The following SHTN1 variants were observed in gnomAD, a reference collection of about 807,000 sequenced individuals.
SHTN1 encodes shootin 1.
Under a neutral mutation model 83.1 loss-of-function variants are expected in SHTN1, and 42 were observed. The observed-to-expected ratio is 0.51, with a 90% confidence interval of 0.39 to 0.65. The LOEUF is 0.65. SHTN1 is among the 30% of genes least tolerant of loss of function. The pLI, the probability that SHTN1 is intolerant of heterozygous loss-of-function variation, is 0.00. For synonymous variants in SHTN1, 224 were observed against 247.7 expected (o/e 0.90, Z 0.90); for missense variants, 622 against 737.8 (o/e 0.84, Z 1.82).
At chr10:117,040,778 G>T (rs943554218) in intron 2 of SHTN1, among the ~76,000 whole-genome samples, 6 of 152,100 alleles carry the variant, frequency 3.9e-5, no homozygotes, top group Non-Finnish European at 2.9e-5. Context: ...AATCTAAGTT[G>T]TAACAATGTT....
At chr10:117,042,792 T>C (rs1852605374) in intron 2 of SHTN1, among the ~76,000 whole-genome samples, 1 of 152,020 alleles carries the variant, frequency 6.6e-6, no homozygotes, top group Non-Finnish European at 1.5e-5. Flanking sequence ...ATTTTTGTAT[T>C]TTTAGTAGAG....
chr10:117,030,343 C>A (rs1852395492), intron 2 of SHTN1, among the ~76,000 whole-genome samples: 1 of 152,112 alleles, frequency 6.6e-6, no homozygotes, highest in African/African-American at 2.4e-5. Context: ...TCACAACACC[C>A]AAGTCCTTTT....
At chr10:116,900,627 G>A in intron 16 of SHTN1, 1 of 1,523,064 alleles carries the variant, frequency 6.6e-7, no homozygotes, top group African/African-American at 1.4e-5. Flanking sequence ...AATTGCTTTT[G>A]TGTCTGGATA....
chr10:117,041,514 A>G (rs7092957), intron 2 of SHTN1, among the ~76,000 whole-genome samples: 27,074 of 152,048 alleles, frequency 0.18, 2,522 homozygotes, highest in East Asian at 0.32. Context: ...CTGCATTTCA[A>G]TTTTTTCAGT....
At chr10:116,984,481 A>T (rs553734278) in intron 1 of SHTN1, among the ~76,000 whole-genome samples, 3 of 152,108 alleles carry the variant, frequency 2.0e-5, no homozygotes. Context: ...AAGTGAGCTC[A>T]TCAATTTCCC....
intron 8 of SHTN1, among the ~76,000 whole-genome samples, chr10:116,943,244 A>G (rs1185305599): frequency 6.6e-6 from 1 of 152,168 alleles, no homozygotes; most frequent in Admixed American, 6.5e-5. Context: ...TCAATCATTC[A>G]TTTTTGTCTT....
At chr10:117,092,948 G>T (rs1475328467) in intron 1 of SHTN1, among the ~76,000 whole-genome samples, 1 of 152,122 alleles carries the variant, frequency 6.6e-6, no homozygotes, top group Admixed American at 6.6e-5. Context: ...ATTTGACAGA[G>T]CTGAAATTCT....
chr10:117,052,306 T>A (rs550773084), intron 1 of SHTN1, among the ~76,000 whole-genome samples: 1 of 152,014 alleles, frequency 6.6e-6, no homozygotes, highest in Non-Finnish European at 1.5e-5. Context: ...AGACAATCCA[T>A]GTTCATGTAC....
chr10:116,987,290 C>G (rs538243935), intron 1 of SHTN1, among the ~76,000 whole-genome samples: 127 of 152,232 alleles, frequency 8.3e-4, no homozygotes, highest in Admixed American at 3.4e-3. Flanking sequence ...GATCTAATCA[C>G]AGAACTACAG....
chr10:116,948,421 C>A (rs1464891725), intron 7 of SHTN1, among the ~76,000 whole-genome samples: 1 of 152,196 alleles, frequency 6.6e-6, no homozygotes, highest in Non-Finnish European at 1.5e-5. Flanking sequence ...TTCAAACACA[C>A]AGGCAGGAAA....
intron 3 of SHTN1, among the ~76,000 whole-genome samples, chr10:116,964,516 A>G (rs1444636531): frequency 1.3e-5 from 2 of 152,254 alleles, no homozygotes; most frequent in African/African-American, 4.8e-5. Flanking sequence ...CGATATTTAG[A>G]TGTAGAATAT....
intron 2 of SHTN1, among the ~76,000 whole-genome samples, chr10:117,035,280 A>G (rs1852477950): frequency 6.6e-6 from 1 of 152,242 alleles, no homozygotes; most frequent in South Asian, 2.1e-4. Context: ...CTGGATATCC[A>G]TATGCAGAAG....
chr10:117,000,894 A>T (rs867573587), intron 1 of SHTN1, among the ~76,000 whole-genome samples: 37 of 152,222 alleles, frequency 2.4e-4, no homozygotes, highest in Admixed American at 1.3e-3. Context: ...GCAAGGTCTT[A>T]TTCAGCTCTA....
chr10:116,972,444 T>C (rs1399260657), intron 2 of SHTN1, among the ~76,000 whole-genome samples: 2 of 152,222 alleles, frequency 1.3e-5, no homozygotes, highest in African/African-American at 4.8e-5. Context: ...TGTACGCATT[T>C]ACTAAAAGCA....
intron 1 of SHTN1, among the ~76,000 whole-genome samples, chr10:117,054,712 C>T (rs10749237): frequency 0.65 from 99,000 of 151,794 alleles, 36,030 homozygotes; most frequent in Middle Eastern, 0.84. Flanking sequence ...TGGCCAGCAT[C>T]CTTATCTTAA....
chr10:116,978,472 A>G (rs1850888298), intron 2 of SHTN1, among the ~76,000 whole-genome samples: 1 of 151,900 alleles, frequency 6.6e-6, no homozygotes, highest in South Asian at 2.1e-4. Context: ...TTTTAAAGTA[A>G]ATTTTTTTTA....
chr10:116,953,250 T>C (rs1448917032), intron 5 of SHTN1, among the ~76,000 whole-genome samples: 1 of 152,230 alleles, frequency 6.6e-6, no homozygotes, highest in African/African-American at 2.4e-5. Flanking sequence ...ATTCAGTAGA[T>C]GTATCATATG....
At chr10:117,120,546 C>T (rs1241147533) in intron 1 of SHTN1, among the ~76,000 whole-genome samples, 1 of 152,082 alleles carries the variant, frequency 6.6e-6, no homozygotes, top group Admixed American at 6.5e-5. Flanking sequence ...CAGCGCCTGG[C>T]CCCATGATGT....
intron 2 of SHTN1, among the ~76,000 whole-genome samples, chr10:117,046,382 G>A (rs1325608425): frequency 1.3e-5 from 2 of 152,170 alleles, no homozygotes; most frequent in Non-Finnish European, 2.9e-5. Flanking sequence ...AACAAGAGTT[G>A]AGGAGAATGT....
Sources: gnomAD v4.1 joint callset for allele counts (sites outside exome capture counted in the v4.1 genomes callset) on GRCh38, gnomAD v4.1.1 for gene constraint, MANE v1.5 for transcripts, NCBI Gene and HGNC (gene_info 2026-07-23, HGNC 2026-07-21) for gene names.